The following ASCC3 variants were observed in gnomAD, a reference collection of about 807,000 sequenced individuals.
ASCC3 encodes activating signal cointegrator 1 complex subunit 3, also known as ASC-1 complex subunit P200.
ASCC3 carries 158 observed loss-of-function variants against 256.3 expected under a neutral mutation model. The observed-to-expected ratio is 0.62, with a 90% confidence interval of 0.54 to 0.70. The LOEUF (loss-of-function observed/expected upper bound fraction) is 0.70, where lower values mean the gene tolerates loss of function less well. Ranked by LOEUF, ASCC3 falls within the 30% of genes least tolerant of loss-of-function variation. The pLI is 0.00. For missense variants in ASCC3, 2,259 were observed against 2,626.0 expected, an observed-to-expected ratio of 0.86 and a Z score of 3.05; for synonymous variants, 948 against 883.4, an observed-to-expected ratio of 1.07 and a Z score of -1.30.
intron 10 of ASCC3, among the ~76,000 whole-genome samples, chr6:100,739,260 T>C (rs917961898): frequency 6.6e-5 from 10 of 152,210 alleles, no homozygotes; most frequent in Admixed American, 2.0e-4. Context: ...CTTGCATATG[T>C]TGAACCAGCC....
chr6:100,519,889 T>C (rs897706914), intron 37 of ASCC3, among the ~76,000 whole-genome samples: 1 of 152,140 alleles, frequency 6.6e-6, no homozygotes. Flanking sequence ...ACTACTTATA[T>C]GAAATAAATT....
chr6:100,856,513 CA>C (rs1464103729), intron 3 of ASCC3: 1 of 722,792 alleles, frequency 1.4e-6, no homozygotes, highest in African/African-American at 1.9e-5. Flanking sequence ...AGAAAATATA[CA>C]GTACACATAC....
chr6:100,725,695 C>A lies in ASCC3; in HGVS notation c.1746G>T (p.Val582=). ...CTACATCCCATTTTTCTGGTGTGGT[C>A]ACAAGCATCTATAAGAGAAGACACA... The part of the protein sequence containing the change: ...KSEILRTQML[V]TTPEKWDVVT... The change falls in exon 11 of 42, where the codon GTG becomes GTT. Residue 582 remains valine, a synonymous_variant. Transcript: ENST00000369162. 1 of 1,612,264 alleles carries A rather than the reference C, an allele frequency of 6.2e-7. No homozygotes were observed. The highest frequency in any genetic ancestry group is 1.1e-5 in the South Asian group (1 of 91,006).
At position 100,657,461 on chromosome 6, in the gene ASCC3, C is replaced by T. The variant is rs1775971604; in HGVS notation, c.2704-1643G>A. ...TATAGCTAAAAATCTGAGAGTGTCT[C>T]TCCTTTGTGAATCCATTATTTGACA... On this transcript the variant is annotated intron_variant, in intron 16 of 41. Transcript: ENST00000369162. Among the ~76,000 whole-genome samples the T allele has an allele frequency of 1.3e-5, 2 of 151,380 alleles. 1 individual carries two copies. Among genetic ancestry groups the T allele is most frequent in the East Asian group, 3.9e-4 (2 of 5,180 alleles).
At chr6:100,612,108 TA>T in intron 30 of ASCC3, among the ~76,000 whole-genome samples, 1 of 152,184 alleles carries the variant, frequency 6.6e-6, no homozygotes, top group East Asian at 1.9e-4. Flanking sequence ...GGCACATATG[TA>T]AACTGTTGAA....
In ASCC3 at chr6:100,737,295, G is replaced by A. The variant is rs1780222115; in HGVS notation, c.1738-11592C>T. 2.0e-5 allele frequency among the ~76,000 whole-genome samples: 3 copies of A among 151,798 alleles called. 1 individual carries two copies. In the South Asian group the frequency reaches 6.3e-4, roughly 32 times the overall value. Reference sequence around the variant, plus strand: ...ACAGGTTTATTACATAAGAAAACGTGTGCCATGGTGGTTTGCTGTGCAGAT... The same window carrying A: ...ACAGGTTTATTACATAAGAAAACGTATGCCATGGTGGTTTGCTGTGCAGAT... On this transcript the variant is annotated intron_variant, in intron 10 of 41. Coordinates refer to ENST00000369162, the MANE Select transcript of ASCC3 (RefSeq NM_006828.4).
intron 12 of ASCC3, 87 bp from the exon 13 acceptor site, chr6:100,715,620 T>C: frequency 9.6e-7 from 1 of 1,043,718 alleles, no homozygotes; most frequent in South Asian, 1.4e-5. Context: ...TTACAATGCA[T>C]TTTTTAAGCT....
intron 10 of ASCC3, among the ~76,000 whole-genome samples, chr6:100,727,115 T>C (rs1779667799): frequency 6.6e-6 from 1 of 152,146 alleles, no homozygotes; most frequent in African/African-American, 2.4e-5. Context: ...AATTACACTA[T>C]TTTGTTTTCT....
intron 10 of ASCC3, among the ~76,000 whole-genome samples, chr6:100,733,634 T>C (rs992455932): frequency 6.6e-6 from 1 of 152,186 alleles, no homozygotes; most frequent in Non-Finnish European, 1.5e-5. Context: ...TAAGGTATTC[T>C]GTTACAGCAA....
intron 17 of ASCC3, among the ~76,000 whole-genome samples, chr6:100,653,744 A>T (rs1775784298): frequency 6.6e-6 from 1 of 152,032 alleles, no homozygotes; most frequent in Admixed American, 6.5e-5. Flanking sequence ...GAATTTTTGT[A>T]TAGTTTTAAA....
chr6:100,536,510 T>C (rs552091818), intron 37 of ASCC3, among the ~76,000 whole-genome samples: 1 of 152,314 alleles, frequency 6.6e-6, no homozygotes, highest in South Asian at 2.1e-4. Flanking sequence ...AGACAGGATC[T>C]AACTCTTATC....
intron 22 of ASCC3, among the ~76,000 whole-genome samples, chr6:100,645,050 G>A (rs1021862596): frequency 6.6e-6 from 1 of 152,098 alleles, no homozygotes; most frequent in Non-Finnish European, 1.5e-5. Flanking sequence ...CTCAGCTTGA[G>A]GCAAGTCAAG....
chr6:100,549,472 C>G (rs1460322136), intron 36 of ASCC3, among the ~76,000 whole-genome samples: 1 of 151,858 alleles, frequency 6.6e-6, no homozygotes, highest in African/African-American at 2.4e-5. Flanking sequence ...TCTTGTATGT[C>G]ATGTTAGTTT....
intron 8 of ASCC3, among the ~76,000 whole-genome samples, chr6:100,791,177 C>T (rs1769333815): frequency 6.6e-6 from 1 of 151,654 alleles, no homozygotes; most frequent in African/African-American, 2.4e-5. Flanking sequence ...ATTGATAGCC[C>T]AAACAGAAAA....
chr6:100,603,766 T>C (rs1242140757), intron 33 of ASCC3, among the ~76,000 whole-genome samples: 1 of 152,114 alleles, frequency 6.6e-6, no homozygotes, highest in Non-Finnish European at 1.5e-5. Context: ...ATAATCATCT[T>C]TGCATTTATA....
chr6:100,581,945 C>G lies in ASCC3; in HGVS notation c.5550+7689G>C, dbSNP rs572031522. On this transcript the variant is annotated intron_variant, in intron 36 of 41. Coordinates refer to ENST00000369162, the MANE Select transcript of ASCC3 (RefSeq NM_006828.4). Reference sequence around the variant, plus strand: ...TCTGTTCTGTTCCATTGATCTATATCTCTGTTTTGGTACCAGTACCATGCT... The same window carrying G: ...TCTGTTCTGTTCCATTGATCTATATGTCTGTTTTGGTACCAGTACCATGCT... Among the ~76,000 whole-genome samples, 40 of 152,022 alleles carry G rather than the reference C, an allele frequency of 2.6e-4. No individual in the cohort carries two copies. The East Asian group carries it at 7.4e-3, about 28-fold the overall frequency.
chr6:100,877,159 C>T (rs1583003318), intron 1 of ASCC3, among the ~76,000 whole-genome samples: 1 of 151,952 alleles, frequency 6.6e-6, no homozygotes, highest in East Asian at 1.9e-4. Flanking sequence ...AAAAGATCTC[C>T]AAAACAGCCA....
At chr6:100,790,004 AC>A (rs1769278418) in intron 8 of ASCC3, among the ~76,000 whole-genome samples, 2 of 151,838 alleles carry the variant, frequency 1.3e-5, no homozygotes, top group African/African-American at 4.8e-5. Flanking sequence ...TCCTCTCTAA[AC>A]CTCTTGCTGT....
chr6:100,552,027 C>T (rs542462975), intron 36 of ASCC3, among the ~76,000 whole-genome samples: 36 of 151,986 alleles, frequency 2.4e-4, no homozygotes, highest in Non-Finnish European at 4.4e-4. Flanking sequence ...GTAACTGTAA[C>T]TCCCCAGGTC....
Sources: allele counts gnomAD v4.1 joint callset (sites outside exome capture counted in the v4.1 genomes callset), GRCh38; gene constraint gnomAD v4.1.1; transcripts MANE v1.5; gene names NCBI Gene and HGNC (gene_info 2026-07-23, HGNC 2026-07-21).